Variants in HDAC4 observed in about 807,000 individuals in gnomAD.
HDAC4 encodes histone deacetylase A.
Under a neutral mutation model 135.1 loss-of-function variants are expected in HDAC4, and 16 were observed. The ratio of observed to expected loss-of-function variants is 0.12; its 90% CI spans 0.08 to 0.18. The LOEUF is 0.18. HDAC4 is among the 10% of genes least tolerant of loss of function. The probability of loss-of-function intolerance (pLI) is 1.00; values close to 1 mark genes in which losing one functional copy is unlikely to be tolerated. For synonymous variants in HDAC4, 685 were observed against 653.4 expected, an observed-to-expected ratio of 1.05 and a Z score of -0.74; for missense variants, 1,143 against 1,511.8, an observed-to-expected ratio of 0.76 and a Z score of 4.05.
intron 2 of HDAC4, among the ~76,000 whole-genome samples, chr2:239,317,090 G>A (rs529929167): frequency 2.8e-4 from 42 of 152,288 alleles, no homozygotes; most frequent in African/African-American, 9.1e-4. Context: ...CGCCTTCAGC[G>A]ACTGCTGGAC....
At chr2:239,325,376 AAAAC>A (rs778196996) in intron 2 of HDAC4, among the ~76,000 whole-genome samples, 13 of 152,226 alleles carry the variant, frequency 8.5e-5, no homozygotes, top group South Asian at 2.1e-4. Flanking sequence ...CAACAACAAA[AAAAC>A]AAACAACCCA....
Position 239,138,999 on chromosome 2 carries a change from CCT to C in HDAC4, c.978+683_978+684del, listed in dbSNP as rs1047395835. The stretch of plus-strand genomic sequence containing the variant: ...TCCCACCTAGGGACTCCAAGCGTCC[CCT>C]GACTCCTCTCTAGCTTGCCAATGTC... On this transcript the variant is annotated intron_variant, in intron 9 of 26. Coordinates refer to ENST00000543185, the MANE Select transcript of HDAC4 (RefSeq NM_001378414.1). Among the ~76,000 whole-genome samples, 14 of 152,322 alleles carry C rather than the reference CCT, an allele frequency of 9.2e-5. No individual in the cohort carries two copies. The East Asian group carries it at 1.4e-3, about 15-fold the overall frequency.
intron 1 of HDAC4, among the ~76,000 whole-genome samples, chr2:239,363,254 G>A (rs977987921): frequency 5.3e-5 from 8 of 152,264 alleles, no homozygotes; most frequent in Non-Finnish European, 7.4e-5. Flanking sequence ...CAATGCAATC[G>A]CAATCAAAAT....
At chr2:239,244,160 G>A (rs978649787) in intron 2 of HDAC4, among the ~76,000 whole-genome samples, 5 of 152,182 alleles carry the variant, frequency 3.3e-5, no homozygotes, top group African/African-American at 1.2e-4. Flanking sequence ...CATGGGCAAC[G>A]GCAGAGTTCC....
In HDAC4 at chr2:239,146,419, C is replaced by G. The variant is rs1002359553; in HGVS notation, c.734-1705G>C. On this transcript the variant is annotated intron_variant, in intron 7 of 26. Transcript: ENST00000543185. This position sits in a 1 kb window ranked among gnomAD's most constrained non-coding sequence, Gnocchi z 4.5. ...CCACAGAAGAGCACAGGGTCCCTGG[C>G]CCTGTGTGAAAGGTCTTCCTCAGTG... Among the ~76,000 whole-genome samples the G allele has an allele frequency of 7.2e-5, 11 of 152,300 alleles. No homozygotes were observed. Among genetic ancestry groups the G allele is most frequent in the Admixed American group, 5.9e-4 (9 of 15,296 alleles).
chr2:239,151,386 T>C (rs2042109105), intron 7 of HDAC4, among the ~76,000 whole-genome samples: 1 of 152,184 alleles, frequency 6.6e-6, no homozygotes, highest in Non-Finnish European at 1.5e-5. Flanking sequence ...CCCTGTGCTC[T>C]TCCTCACCAA....
chr2:239,197,215 T>C (rs1321780763), intron 3 of HDAC4, among the ~76,000 whole-genome samples: 3 of 152,296 alleles, frequency 2.0e-5, no homozygotes, highest in East Asian at 1.9e-4. Flanking sequence ...TGGCTGGGTA[T>C]AGAATTCCAG....
At chr2:239,053,294 C>CAT (rs2031176131) in intron 26 of HDAC4, among the ~76,000 whole-genome samples, 158 bp from the exon 27 acceptor site, 1 of 152,236 alleles carries the variant, frequency 6.6e-6, no homozygotes, top group South Asian at 2.1e-4. Context: ...TAATGCTCCT[C>CAT]ATGCGTCTCT....
Position 239,381,239 on chromosome 2 carries a change from G to A in HDAC4, c.-220+19739C>T, listed in dbSNP as rs1395600037. 3.3e-5 allele frequency among the ~76,000 whole-genome samples: 5 copies of A among 152,172 alleles called. No homozygotes were observed. The East Asian group carries it at 5.8e-4, about 18-fold the overall frequency. On this transcript the variant is annotated intron_variant, in intron 1 of 26. Transcript: ENST00000543185. ...GAAGACAAATGACTCTCAGTGCTTC[G>A]TTTTAGCATATTCTAAAAATGCAAT...
intron 2 of HDAC4, among the ~76,000 whole-genome samples, chr2:239,296,574 A>T (rs2051906760): frequency 6.6e-6 from 1 of 152,224 alleles, no homozygotes; most frequent in African/African-American, 2.4e-5. Context: ...GGCATTTAAG[A>T]GAAACTGCGC....
chr2:239,081,241 T>C, intron 21 of HDAC4, 49 bp from the exon 22 acceptor site: 1 of 1,506,140 alleles, frequency 6.6e-7, no homozygotes, highest in Non-Finnish European at 9.1e-7. Flanking sequence ...GAGCGGGACC[T>C]GTCTGACAGG....
In HDAC4 at chr2:239,285,306, G is replaced by C. The variant is rs1446993288; in HGVS notation, c.23-48642C>G. On this transcript the variant is annotated intron_variant, in intron 2 of 26. Coordinates refer to ENST00000543185, the MANE Select transcript of HDAC4 (RefSeq NM_001378414.1). The surrounding 1 kb of genome is among the most constrained non-coding windows in gnomAD (Gnocchi z 4.5). ...GATCCCTGCTGGGAGTGGAGAACGC[G>C]CCGCGGCTGGGCCCCCAAGTTCGCG... Among the ~76,000 whole-genome samples, 1 of 152,300 alleles carries C rather than the reference G, an allele frequency of 6.6e-6. No homozygotes were observed. The highest frequency in any genetic ancestry group is 2.4e-5 in the African/African-American group (1 of 41,582).
intron 12 of HDAC4, among the ~76,000 whole-genome samples, chr2:239,123,400 G>C (rs2152838355): frequency 6.6e-6 from 1 of 152,308 alleles, no homozygotes; most frequent in Non-Finnish European, 1.5e-5. Context: ...GGGCATGTGG[G>C]GTGGGGGTGG....
At chr2:239,143,524 T>C (rs752665035) in intron 8 of HDAC4, among the ~76,000 whole-genome samples, 2 of 152,148 alleles carry the variant, frequency 1.3e-5, no homozygotes, top group Non-Finnish European at 2.9e-5. Context: ...CATATGGAGT[T>C]CCCCTGGGCA....
chr2:239,310,469 G>A (rs1030567148), intron 2 of HDAC4, among the ~76,000 whole-genome samples: 1 of 152,178 alleles, frequency 6.6e-6, no homozygotes, highest in Non-Finnish European at 1.5e-5. Context: ...CTGTGAGAGA[G>A]TGTGATGTTC....
chr2:239,223,844 C>A (rs1368925809), intron 3 of HDAC4, among the ~76,000 whole-genome samples: 4 of 149,796 alleles, frequency 2.7e-5, no homozygotes, highest in Non-Finnish European at 4.4e-5. Flanking sequence ...CAGCACTAAG[C>A]AAACATTGTT....
chr2:239,102,749 T>C, intron 16 of HDAC4, 27 bp downstream of exon 16: 5 of 1,613,282 alleles, frequency 3.1e-6, no homozygotes, highest in African/African-American at 1.3e-5. Context: ...AAACCCAATA[T>C]GGGAGGAAAG....
Position 239,162,762 on chromosome 2 carries a change from C to T in HDAC4, c.611+1041G>A, listed in dbSNP as rs372188308. 4.6e-5 allele frequency among the ~76,000 whole-genome samples: 7 copies of T among 152,248 alleles called. No homozygotes were observed. In the South Asian group the frequency reaches 8.3e-4, roughly 18 times the overall value. On this transcript the variant is annotated intron_variant, in intron 6 of 26. Coordinates refer to ENST00000543185, the MANE Select transcript of HDAC4 (RefSeq NM_001378414.1). The stretch of plus-strand genomic sequence containing the variant: ...GCACAGCGGCTGCCAGAGTGGAGGA[C>T]GTGGGCCACCTGTGCTGGAAACACC...
intron 3 of HDAC4, among the ~76,000 whole-genome samples, chr2:239,208,289 T>C (rs1309362319): frequency 7.8e-6 from 1 of 127,828 alleles, no homozygotes; most frequent in Non-Finnish European, 1.5e-5. Flanking sequence ...ATCGCGCCAC[T>C]GCACTCCAGC....
Sources: allele counts gnomAD v4.1 joint callset (sites outside exome capture counted in the v4.1 genomes callset), GRCh38; gene constraint gnomAD v4.1.1; non-coding constraint Gnocchi (gnomAD v3.1); transcripts MANE v1.5; gene names NCBI Gene and HGNC (gene_info 2026-07-23, HGNC 2026-07-21).